Variants in C1orf146 observed in about 807,000 individuals in gnomAD.
C1orf146 encodes protein SPO16 homolog.
In C1orf146, 22 loss-of-function variants were observed where a neutral mutation model predicts 23.0. The observed-to-expected ratio is 0.96, with a 90% CI of 0.68 to 1.36. The LOEUF is 1.36. Ranked by LOEUF, C1orf146 falls within the 40% of genes most tolerant of loss-of-function variation. C1orf146 has a pLI of 0.00. For missense variants in C1orf146, 199 were observed against 206.8 expected, an observed-to-expected ratio of 0.96 and a Z score of 0.23; for synonymous variants, 59 against 65.3, an observed-to-expected ratio of 0.90 and a Z score of 0.47.
intron 2 of C1orf146, among the ~76,000 whole-genome samples, chr1:92,239,670 T>G (rs1382459849): frequency 6.7e-6 from 1 of 149,632 alleles, no homozygotes; most frequent in Non-Finnish European, 1.5e-5. Flanking sequence ...GAGAATCATT[T>G]GAATCTGGGA....
chr1:92,225,347 T>C (rs1489607187), intron 1 of C1orf146, among the ~76,000 whole-genome samples: 1 of 152,240 alleles, frequency 6.6e-6, no homozygotes, highest in Non-Finnish European at 1.5e-5. Context: ...GCTCCAGCAG[T>C]ACACTGGCCT....
At chr1:92,222,023 C>A (rs530328921) in intron 1 of C1orf146, among the ~76,000 whole-genome samples, 1 of 152,252 alleles carries the variant, frequency 6.6e-6, no homozygotes, top group Non-Finnish European at 1.5e-5. Context: ...GGGCAGATCA[C>A]CTGAGGTCAG....
chr1:92,231,372 A>G lies in C1orf146; in HGVS notation c.-39-10A>G. ...TTTCTTTGCATTCTTTGTGTTCTTA[A>G]TTTTCTCAGATTGTTGCACCATTAG... On this transcript the variant is annotated splice_polypyrimidine_tract_variant and intron_variant, in intron 1 of 5. Coordinates refer to ENST00000370375, the MANE Select transcript of C1orf146 (RefSeq NM_001012425.2). 7.7e-7 allele frequency: 1 copy of G among 1,305,716 alleles called. No individual in the cohort carries two copies. The highest frequency in any genetic ancestry group is 1.5e-5 in the African/African-American group (1 of 66,710). The allele number at this position is 1,305,716 out of a possible 1,614,324, so 80.9% of individuals were successfully genotyped here. A position where few individuals can be genotyped will look rare whatever the true frequency, so the allele number is the denominator to read the frequency against.
chr1:92,231,549 A>C (rs1326515736), intron 2 of C1orf146, 63 bp downstream of exon 2: 1 of 1,146,784 alleles, frequency 8.7e-7, no homozygotes, highest in African/African-American at 1.6e-5. Context: ...TTTCATATAG[A>C]ACAACATTTT....
chr1:92,234,075 C>T (rs1397906161), intron 2 of C1orf146, among the ~76,000 whole-genome samples: 1 of 152,172 alleles, frequency 6.6e-6, no homozygotes, highest in African/African-American at 2.4e-5. Context: ...ATTTGACTTC[C>T]TCTTTTCCTA....
At chr1:92,234,483 C>CT (rs1165309870) in intron 2 of C1orf146, among the ~76,000 whole-genome samples, 15 of 152,166 alleles carry the variant, frequency 9.9e-5, no homozygotes, top group Admixed American at 1.3e-4. Flanking sequence ...GGTGGATAAG[C>CT]TTTTTGATGT....
chr1:92,219,175 G>GT (rs1651758761), intron 1 of C1orf146, among the ~76,000 whole-genome samples: 1 of 152,162 alleles, frequency 6.6e-6, no homozygotes, highest in Non-Finnish European at 1.5e-5. Flanking sequence ...CTATGTGGGT[G>GT]TATTAGTAAG....
intron 1 of C1orf146, among the ~76,000 whole-genome samples, chr1:92,223,508 C>A (rs1410509143): frequency 6.6e-6 from 1 of 151,934 alleles, no homozygotes; most frequent in Non-Finnish European, 1.5e-5. Context: ...TACTATTGAG[C>A]CTTGAGTGTC....
chr1:92,235,589 G>T (rs1652254350), intron 2 of C1orf146, among the ~76,000 whole-genome samples: 4 of 152,340 alleles, frequency 2.6e-5, no homozygotes, highest in Non-Finnish European at 5.9e-5. Context: ...ATATTCTGTT[G>T]ATTTGGGGTG....
intron 2 of C1orf146, among the ~76,000 whole-genome samples, chr1:92,237,200 AT>A: frequency 6.6e-6 from 1 of 151,700 alleles, no homozygotes; most frequent in Non-Finnish European, 1.5e-5. Context: ...TAGAGTTTCC[AT>A]TTTTTCTGCT....
chr1:92,238,872 T>G (rs888324236), intron 2 of C1orf146, among the ~76,000 whole-genome samples: 8 of 152,198 alleles, frequency 5.3e-5, no homozygotes, highest in Non-Finnish European at 1.0e-4. Context: ...CCTTCACTTG[T>G]CTGCTTAATA....
chr1:92,244,662 A>G (rs181461514), intron 4 of C1orf146, 117 bp from the exon 5 acceptor site: 23 of 683,494 alleles, frequency 3.4e-5, no homozygotes, highest in Non-Finnish European at 5.0e-5. Flanking sequence ...GGAGTAAGGC[A>G]GGGCATGAAT....
chr1:92,241,992 GTAAC>G (rs1652442108), intron 2 of C1orf146, among the ~76,000 whole-genome samples: 1 of 152,128 alleles, frequency 6.6e-6, no homozygotes. Flanking sequence ...ACTGTAGTAC[GTAAC>G]TCACTCCCAA....
intron 1 of C1orf146, among the ~76,000 whole-genome samples, chr1:92,221,784 G>C (rs1329873264): frequency 6.6e-6 from 1 of 152,184 alleles, no homozygotes; most frequent in Non-Finnish European, 1.5e-5. Context: ...TAAGCAATTG[G>C]CATTGGAGTA....
intron 1 of C1orf146, among the ~76,000 whole-genome samples, chr1:92,223,416 C>T (rs1190387432): frequency 6.6e-6 from 1 of 152,156 alleles, no homozygotes; most frequent in African/African-American, 2.4e-5. Context: ...TGTTGACTAT[C>T]TTTTTATGTC....
chr1:92,222,357 C>T (rs961493602), intron 1 of C1orf146, among the ~76,000 whole-genome samples: 1 of 151,200 alleles, frequency 6.6e-6, no homozygotes, highest in Admixed American at 6.6e-5. Context: ...TATAATGTAA[C>T]ATGCATGTAT....
chr1:92,236,907 C>G (rs1652291150), intron 2 of C1orf146, among the ~76,000 whole-genome samples: 1 of 152,184 alleles, frequency 6.6e-6, no homozygotes, highest in Non-Finnish European at 1.5e-5. Context: ...GCGTTGGCTC[C>G]TGAGGCTTCT....
At chr1:92,242,178 C>T in intron 2 of C1orf146, 34 bp from the exon 3 acceptor site, 1 of 1,285,284 alleles carries the variant, frequency 7.8e-7, no homozygotes, top group Non-Finnish European at 1.1e-6. Flanking sequence ...GTAAGCATGC[C>T]TTAAATTTGT....
chr1:92,231,895 A>C (rs1448238242), intron 2 of C1orf146, among the ~76,000 whole-genome samples: 2 of 152,056 alleles, frequency 1.3e-5, no homozygotes, highest in African/African-American at 2.4e-5. Context: ...GAGAGATGGA[A>C]AGTTGAATGC....
Sources: allele counts gnomAD v4.1 joint callset (sites outside exome capture counted in the v4.1 genomes callset), GRCh38; gene constraint gnomAD v4.1.1; transcripts MANE v1.5; gene names NCBI Gene and HGNC (gene_info 2026-07-23, HGNC 2026-07-21).